CDKAL1: variants seen among roughly 807,000 people sequenced by gnomAD.
CDKAL1 encodes the protein CDKAL1 threonylcarbamoyladenosine tRNA methylthiotransferase.
CDKAL1 carries 32 observed loss-of-function variants against 68.2 expected under a neutral mutation model. The observed-to-expected ratio is 0.47, with a 90% confidence interval of 0.35 to 0.63. The LOEUF (loss-of-function observed/expected upper bound fraction) is 0.63. CDKAL1 is among the 30% of genes least tolerant of loss of function. CDKAL1 has a pLI of 0.00. For synonymous variants in CDKAL1, 234 were observed against 244.3 expected, an observed-to-expected ratio of 0.96 and a Z score of 0.39; for missense variants, 606 against 696.7, an observed-to-expected ratio of 0.87 and a Z score of 1.47.
chr6:21,195,121 A>G (rs1229305404), intron 13 of CDKAL1, among the ~76,000 whole-genome samples: 1 of 152,028 alleles, frequency 6.6e-6, no homozygotes, highest in African/African-American at 2.4e-5. Context: ...GCAGCTTTTG[A>G]TCAAAGCCCT....
At chr6:20,672,236 C>CTTTCTT (rs1249698753) in intron 5 of CDKAL1, among the ~76,000 whole-genome samples, 2 of 135,418 alleles carry the variant, frequency 1.5e-5, no homozygotes, top group East Asian at 2.4e-4. Flanking sequence ...TCTTTTCTTT[C>CTTTCTT]TCTTTCTTTC....
intron 4 of CDKAL1, among the ~76,000 whole-genome samples, chr6:20,634,332 A>G (rs951383191): frequency 1.3e-4 from 20 of 152,250 alleles, no homozygotes; most frequent in Non-Finnish European, 1.6e-4. Flanking sequence ...TATGTGTAGT[A>G]AATTCTCAAT....
chr6:20,687,102 G>T (rs894658094), intron 5 of CDKAL1, among the ~76,000 whole-genome samples: 3 of 152,038 alleles, frequency 2.0e-5, no homozygotes, highest in African/African-American at 7.2e-5. Flanking sequence ...TTCTATGGAT[G>T]ATTTTATATC....
chr6:21,125,898 G>A (rs1774987896), intron 13 of CDKAL1, among the ~76,000 whole-genome samples: 2 of 152,146 alleles, frequency 1.3e-5, no homozygotes, highest in Admixed American at 6.5e-5. Context: ...ACCTCATTGT[G>A]TGTCTCCCCT....
chr6:21,010,237 TAATTATAA>T (rs1331613581), intron 11 of CDKAL1, among the ~76,000 whole-genome samples: 1 of 152,240 alleles, frequency 6.6e-6, no homozygotes, highest in Admixed American at 6.5e-5. Context: ...ATAACATCTT[TAATTATAA>T]AACTGCAGAG....
intron 5 of CDKAL1, among the ~76,000 whole-genome samples, chr6:20,677,454 T>C (rs983872036): frequency 2.6e-5 from 4 of 152,008 alleles, no homozygotes; most frequent in Non-Finnish European, 4.4e-5. Context: ...GTTTTACTCT[T>C]GTCGCCCAGG....
In CDKAL1 at chr6:21,203,215, A is replaced by ATTTTTTTTTT. The variant is rs371165972; in HGVS notation, c.1548+1969_1548+1978dup. Among the ~76,000 whole-genome samples, 5 of 47,124 alleles carry ATTTTTTTTTT rather than the reference A, an allele frequency of 1.1e-4. 1 individual carries two copies. Among genetic ancestry groups the ATTTTTTTTTT allele is most frequent in the Admixed American group, 3.1e-4 (1 of 3,244 alleles). 30.9% of individuals were successfully genotyped at this position (47,124 alleles called of 152,430 possible). A position where few individuals can be genotyped will look rare whatever the true frequency, so the allele number is the denominator to read the frequency against. On this transcript the variant is annotated intron_variant, in intron 15 of 15. Coordinates refer to ENST00000274695, the MANE Select transcript of CDKAL1 (RefSeq NM_017774.3). ...TAGGCATGCACCACCATCCTGGCTA[A>ATTTTTTTTTT]TTTTTTTTTTTTTTTTTTTTTTTTT...
intron 11 of CDKAL1, among the ~76,000 whole-genome samples, chr6:21,004,078 T>C (rs7744317): frequency 0.48 from 72,191 of 151,976 alleles, 18,380 homozygotes; most frequent in East Asian, 0.85. Context: ...CATTTCCTGA[T>C]CTGTTTCCTT....
At chr6:21,102,388 C>CAAA (rs1773622216) in intron 12 of CDKAL1, among the ~76,000 whole-genome samples, 1 of 152,178 alleles carries the variant, frequency 6.6e-6, no homozygotes, top group Admixed American at 6.5e-5. Flanking sequence ...AAACATCAGA[C>CAAA]CTGCCTTAGC....
intron 9 of CDKAL1, among the ~76,000 whole-genome samples, chr6:20,926,591 G>A (rs1039417397): frequency 6.6e-6 from 1 of 152,082 alleles, no homozygotes; most frequent in Non-Finnish European, 1.5e-5. Flanking sequence ...AACAGTACCA[G>A]AAAGAAGAAG....
At chr6:21,166,531 G>A (rs565415268) in intron 13 of CDKAL1, among the ~76,000 whole-genome samples, 4 of 152,230 alleles carry the variant, frequency 2.6e-5, no homozygotes, top group East Asian at 1.9e-4. Context: ...CAGCAGCTTC[G>A]TTAAAGGCTA....
chr6:21,088,039 A>T (rs763274685), intron 12 of CDKAL1, among the ~76,000 whole-genome samples: 1 of 152,118 alleles, frequency 6.6e-6, no homozygotes, highest in African/African-American at 2.4e-5. Context: ...CAGGGATATA[A>T]GTTCTCATTT....
At chr6:21,183,785 C>T (rs1233772387) in intron 13 of CDKAL1, among the ~76,000 whole-genome samples, 1 of 152,194 alleles carries the variant, frequency 6.6e-6, no homozygotes, top group East Asian at 1.9e-4. Flanking sequence ...CTGCCACTGA[C>T]TCCCAAAAGC....
chr6:21,154,999 C>A (rs796155655), intron 13 of CDKAL1, among the ~76,000 whole-genome samples: 24 of 135,494 alleles, frequency 1.8e-4, no homozygotes, highest in African/African-American at 7.2e-4. Flanking sequence ...CCCACCCCCC[C>A]CAAAAAAAAA....
At chr6:20,592,335 C>G (rs1014858325) in intron 4 of CDKAL1, among the ~76,000 whole-genome samples, 1 of 152,116 alleles carries the variant, frequency 6.6e-6, no homozygotes, top group Non-Finnish European at 1.5e-5. Flanking sequence ...TCTTCCTATT[C>G]GAATACCCTT....
At chr6:20,819,084 CT>C (rs1777167754) in intron 8 of CDKAL1, among the ~76,000 whole-genome samples, 1 of 152,080 alleles carries the variant, frequency 6.6e-6, no homozygotes, top group South Asian at 2.1e-4. Flanking sequence ...AGAACAACTT[CT>C]GGGAGTACCA....
intron 8 of CDKAL1, among the ~76,000 whole-genome samples, chr6:20,800,260 A>C (rs568018837): frequency 2.0e-5 from 3 of 152,380 alleles, no homozygotes; most frequent in African/African-American, 7.2e-5. Flanking sequence ...AATATTCCCC[A>C]GCAACATAAA....
At chr6:20,819,208 G>A (rs978698968) in intron 8 of CDKAL1, among the ~76,000 whole-genome samples, 1 of 141,824 alleles carries the variant, frequency 7.1e-6, no homozygotes, top group Non-Finnish European at 1.6e-5. Context: ...AAGCTTAAAT[G>A]CTTATTTATA....
At chr6:20,930,190 G>A (rs1380395709) in intron 9 of CDKAL1, among the ~76,000 whole-genome samples, 6 of 151,822 alleles carry the variant, frequency 4.0e-5, no homozygotes, top group African/African-American at 4.8e-5. Flanking sequence ...AGAGAAGTCA[G>A]TTGAAGTAGT....
Sources: gnomAD v4.1 joint callset for allele counts (sites outside exome capture counted in the v4.1 genomes callset) on GRCh38, gnomAD v4.1.1 for gene constraint, MANE v1.5 for transcripts, NCBI Gene and HGNC (gene_info 2026-07-23, HGNC 2026-07-21) for gene names.